The following TGFBR3 variants were observed in gnomAD, a reference collection of about 807,000 sequenced individuals.
TGFBR3 encodes the protein transforming growth factor beta receptor 3.
TGFBR3 carries 46 observed loss-of-function variants against 87.9 expected under a neutral mutation model. That is an observed-to-expected ratio of 0.52 (90% CI 0.41 to 0.67). The LOEUF (loss-of-function observed/expected upper bound fraction) is 0.67, where lower values mean the gene tolerates loss of function less well. Among genes scored for constraint, TGFBR3 ranks in the 30% least tolerant of loss-of-function variants. The pLI, the probability that TGFBR3 is intolerant of heterozygous loss-of-function variation, is 0.00. For missense variants in TGFBR3, 866 were observed against 1,041.9 expected (o/e 0.83, Z 2.32); for synonymous variants, 381 against 391.6 (o/e 0.97, Z 0.32).
intron 4 of TGFBR3, among the ~76,000 whole-genome samples, chr1:91,752,652 G>C (rs1673588551): frequency 6.6e-6 from 1 of 151,848 alleles, no homozygotes; most frequent in Admixed American, 6.6e-5. Flanking sequence ...ACGTCTGCTT[G>C]TCCTAGGGCT....
At chr1:91,744,374 C>T (rs1436119004) in intron 4 of TGFBR3, among the ~76,000 whole-genome samples, 1 of 152,182 alleles carries the variant, frequency 6.6e-6, no homozygotes, top group Non-Finnish European at 1.5e-5. Context: ...GCACGAGGAG[C>T]CATGCCCAGC....
chr1:91,702,492 A>AAAAAT (rs941405701), intron 14 of TGFBR3, among the ~76,000 whole-genome samples: 2 of 152,076 alleles, frequency 1.3e-5, no homozygotes, highest in African/African-American at 2.4e-5. Flanking sequence ...TAAAAATACA[A>AAAAAT]AAAATAAAAT....
chr1:91,724,452 C>G (rs994806328), intron 7 of TGFBR3, among the ~76,000 whole-genome samples: 1 of 152,182 alleles, frequency 6.6e-6, no homozygotes, highest in Admixed American at 6.5e-5. Context: ...TGTTGTTGGA[C>G]AGCTGAGAAA....
At position 91,776,715 on chromosome 1, in the gene TGFBR3, C is replaced by T. The variant is rs1571498870; in HGVS notation, c.247-17965G>A. Among the ~76,000 whole-genome samples the T allele has an allele frequency of 5.3e-5, 8 of 152,306 alleles. No homozygotes were observed. The South Asian group carries it at 1.7e-3, about 32-fold the overall frequency. Reference sequence around the variant, plus strand: ...TTCAAGCAGGGTGACAAATTGGTGGCAGCTGCATACATGACCCTCCAAACA... The same window carrying T: ...TTCAAGCAGGGTGACAAATTGGTGGTAGCTGCATACATGACCCTCCAAACA... On this transcript the variant is annotated intron_variant, in intron 3 of 16. Transcript: ENST00000212355.
intron 1 of TGFBR3, among the ~76,000 whole-genome samples, chr1:91,901,112 C>T (rs888960026): frequency 1.3e-5 from 2 of 152,204 alleles, no homozygotes; most frequent in African/African-American, 4.8e-5. Flanking sequence ...TTCCCACTAA[C>T]ACTTTACAAG....
chr1:91,844,828 T>C (rs944407467), intron 2 of TGFBR3, among the ~76,000 whole-genome samples: 1 of 152,222 alleles, frequency 6.6e-6, no homozygotes, highest in Non-Finnish European at 1.5e-5. Flanking sequence ...AGAAAAATCA[T>C]AGTCTTTTGT....
At chr1:91,700,067 C>A (rs1235724278) in intron 14 of TGFBR3, among the ~76,000 whole-genome samples, 1 of 152,186 alleles carries the variant, frequency 6.6e-6, no homozygotes, top group Non-Finnish European at 1.5e-5. Flanking sequence ...TGCAGCTATG[C>A]TTATTTACAT....
chr1:91,731,634 AT>A (rs1410883956), intron 5 of TGFBR3, among the ~76,000 whole-genome samples: 2 of 152,190 alleles, frequency 1.3e-5, no homozygotes, highest in Non-Finnish European at 2.9e-5. Context: ...TTGAAATTTA[AT>A]TAAGAAAGAG....
At chr1:91,701,515 C>A (rs1009610927) in intron 14 of TGFBR3, among the ~76,000 whole-genome samples, 1 of 152,108 alleles carries the variant, frequency 6.6e-6, no homozygotes, top group Non-Finnish European at 1.5e-5. Context: ...ATAAAGATTT[C>A]TTTACAGAAA....
chr1:91,734,716 A>G (rs765015819), intron 5 of TGFBR3, 60 bp downstream of exon 5: 1 of 1,595,012 alleles, frequency 6.3e-7, no homozygotes, highest in Non-Finnish European at 8.6e-7. Context: ...ACCTGGTTTC[A>G]GAAAAGAAAA....
chr1:91,683,795 C>A lies in TGFBR3; in HGVS notation c.2500G>T (p.Ala834Ser). 1 of 1,608,156 alleles carries A rather than the reference C, an allele frequency of 6.2e-7. No individual in the cohort carries two copies. Reference protein sequence around the residue: ...SPPASENSSAAHSIGSTQSTP... With the variant: ...SPPASENSSASHSIGSTQSTP... ...CTCTGCGTGCTGCCGATGCTGTGGG[C>A]AGCACTGCTGTTTTCCGAGGCTGGC... Residue 834 changes from alanine to serine, a missense_variant, in exon 17 of 17, where the codon GCC becomes TCC. By Grantham distance (99) the Ala-to-Ser change is moderately conservative. Transcript: ENST00000212355.
chr1:91,707,533 C>G (rs1671835420), intron 14 of TGFBR3, among the ~76,000 whole-genome samples: 1 of 152,214 alleles, frequency 6.6e-6, no homozygotes, highest in Admixed American at 6.5e-5. Flanking sequence ...ACACCAAACC[C>G]TAGATCTGGT....
In TGFBR3 at chr1:91,691,556, T is replaced by C. The variant is rs577646653; in HGVS notation, c.2437+4116A>G. 2.6e-5 allele frequency among the ~76,000 whole-genome samples: 4 copies of C among 152,360 alleles called. No individual in the cohort carries two copies. In the South Asian group the frequency reaches 8.3e-4, roughly 32 times the overall value. Reference sequence around the variant, plus strand: ...ACCAGGTGTTTCTGTTAAATGAGGATATTTTCAGACATGCAAGGTGTGAAA... The same window carrying C: ...ACCAGGTGTTTCTGTTAAATGAGGACATTTTCAGACATGCAAGGTGTGAAA... On this transcript the variant is annotated intron_variant, in intron 16 of 16. Coordinates refer to ENST00000212355, the MANE Select transcript of TGFBR3 (RefSeq NM_003243.5).
chr1:91,903,216 G>A (rs1679770202), intron 1 of TGFBR3, among the ~76,000 whole-genome samples: 1 of 151,100 alleles, frequency 6.6e-6, no homozygotes, highest in African/African-American at 2.4e-5. Context: ...GTGTGTGCCT[G>A]TAATCCCAGC....
chr1:91,847,735 C>T (rs1403649688), intron 2 of TGFBR3, among the ~76,000 whole-genome samples: 3 of 152,056 alleles, frequency 2.0e-5, no homozygotes, highest in East Asian at 3.9e-4. Flanking sequence ...GAGCCACCCT[C>T]GCTAACCCAC....
At position 91,748,558 on chromosome 1, in the gene TGFBR3, G is replaced by A. The variant is rs145399459; in HGVS notation, c.384+10055C>T. 3.7e-3 allele frequency among the ~76,000 whole-genome samples: 569 copies of A among 152,228 alleles called. 2 individuals carry two copies. Among genetic ancestry groups the A allele is most frequent in the Admixed American group, 8.0e-3 (122 of 15,296 alleles). On this transcript the variant is annotated intron_variant, in intron 4 of 16. Coordinates refer to ENST00000212355, the MANE Select transcript of TGFBR3 (RefSeq NM_003243.5). ...AACAAGAAGTTTGCTCACCTGATGC[G>A]ATGCCCTGATTTGGCTCTATAGGTT... is the stretch of plus-strand genomic sequence containing the variant.
rs888916210 is a variant in TGFBR3 at position 91,719,789 on chromosome 1, C to T, written c.1413+104G>A. 7.6e-5 allele frequency: 99 copies of T among 1,296,824 alleles called. No homozygotes were observed. In the African/African-American group the frequency reaches 1.1e-3, roughly 14 times the overall value. 80.3% of individuals were successfully genotyped at this position (1,296,824 alleles called of 1,614,324 possible). A position where few individuals can be genotyped will look rare whatever the true frequency, so the allele number is the denominator to read the frequency against. On this transcript the variant is annotated intron_variant, in intron 9 of 16. Coordinates refer to ENST00000212355, the MANE Select transcript of TGFBR3 (RefSeq NM_003243.5). The stretch of plus-strand genomic sequence containing the variant: ...AACTGAGAAAACAGTATCAAGCCTC[C>T]GGAGTTCAAAAATGAAAGAGATAGG...
At chr1:91,873,956 A>C (rs1235571251) in intron 1 of TGFBR3, among the ~76,000 whole-genome samples, 1 of 152,088 alleles carries the variant, frequency 6.6e-6, no homozygotes, top group Non-Finnish European at 1.5e-5. Context: ...CCACAAAAAA[A>C]AAAAAAAGAA....
In TGFBR3 at chr1:91,827,697, A is replaced by T. The variant is rs187470842; in HGVS notation, c.62-30226T>A. Among the ~76,000 whole-genome samples, 245 of 152,352 alleles carry T rather than the reference A, an allele frequency of 1.6e-3. 1 individual carries two copies. The highest frequency in any genetic ancestry group is 5.7e-3 in the African/African-American group (238 of 41,584). On this transcript the variant is annotated intron_variant, in intron 2 of 16. Transcript: ENST00000212355. ...CACAGTAAGCACTTGGTAAATGTTTACTGAATGACTACAGGAAATATCTGA... is the reference window on the plus strand; with the variant it reads ...CACAGTAAGCACTTGGTAAATGTTTTCTGAATGACTACAGGAAATATCTGA...
Sources: allele counts gnomAD v4.1 joint callset (sites outside exome capture counted in the v4.1 genomes callset), GRCh38; gene constraint gnomAD v4.1.1; transcripts MANE v1.5; gene names NCBI Gene and HGNC (gene_info 2026-07-23, HGNC 2026-07-21).